EML1: variants seen among roughly 807,000 people sequenced by gnomAD.
The protein encoded by EML1 is EMAP like 1.
EML1 carries 27 observed loss-of-function variants against 110.4 expected under a neutral mutation model. That is an observed-to-expected ratio of 0.24 (90% CI 0.18 to 0.34). The LOEUF (loss-of-function observed/expected upper bound fraction) is 0.34. EML1 is among the 10% of genes least tolerant of loss of function. The pLI is 1.00. For missense variants in EML1, 741 were observed against 1,030.9 expected, an observed-to-expected ratio of 0.72 and a Z score of 3.85; for synonymous variants, 344 against 385.8, an observed-to-expected ratio of 0.89 and a Z score of 1.27.
chr14:99,770,804 A>G (rs572289432), upstream of EML1, among the ~76,000 whole-genome samples: 378 of 14,562 alleles, frequency 0.026, no homozygotes, highest in Middle Eastern at 0.17. Flanking sequence ...TTTTTTTTTG[A>G]GACGGAGTCT....
intron 1 of EML1, among the ~76,000 whole-genome samples, chr14:99,820,441 A>G (rs1314932184): frequency 1.3e-5 from 2 of 152,162 alleles, no homozygotes; most frequent in Non-Finnish European, 2.9e-5. Context: ...TTGCAAAGGG[A>G]GGACTATTGA....
chr14:99,758,356 C>G (rs919646156), intron 1 of EML1, among the ~76,000 whole-genome samples: 2 of 152,110 alleles, frequency 1.3e-5, no homozygotes, highest in Non-Finnish European at 2.9e-5. Context: ...TGGAGTTCTG[C>G]CAACATGAAG....
At chr14:99,907,810 T>G in intron 10 of EML1, 77 bp downstream of exon 10, 2 of 1,384,478 alleles carry the variant, frequency 1.4e-6, no homozygotes, top group Non-Finnish European at 2.0e-6. Context: ...GTAGCCCCCT[T>G]TCAGCGGGCT....
At chr14:99,746,225 G>T (rs1197979158) in intron 1 of EML1, among the ~76,000 whole-genome samples, 1 of 152,212 alleles carries the variant, frequency 6.6e-6, no homozygotes, top group African/African-American at 2.4e-5. Flanking sequence ...ACTGAGACAG[G>T]TGCGCTGTCC....
intron 2 of EML1, among the ~76,000 whole-genome samples, chr14:99,859,009 C>G (rs1420373976): frequency 3.9e-5 from 6 of 152,108 alleles, no homozygotes; most frequent in Non-Finnish European, 7.4e-5. Context: ...TAGATTATAA[C>G]TTAATATCAA....
intron 1 of EML1, among the ~76,000 whole-genome samples, chr14:99,825,774 C>T (rs1344314640): frequency 6.6e-6 from 1 of 152,182 alleles, no homozygotes; most frequent in East Asian, 1.9e-4. Context: ...ACTTAGATGC[C>T]ACAGATTTCT....
intron 15 of EML1, chr14:99,915,412 C>CA (rs11316684): frequency 0.18 from 15,119 of 85,918 alleles, 1,522 homozygotes; most frequent in African/African-American, 0.32. Flanking sequence ...AATTCTGTCT[C>CA]AAAAAAAAAA....
chr14:99,923,640 C>CAATGACACTTTTGTCAAAAA (rs1595488252), intron 17 of EML1, among the ~76,000 whole-genome samples: 6 of 15,184 alleles, frequency 4.0e-4, no homozygotes, highest in African/African-American at 1.2e-3. Context: ...TCAGTTCTGC[C>CAATGACACTTTTGTCAAAAA]CCCTTCACCT....
chr14:99,791,109 C>T (rs973431644), upstream of EML1, among the ~76,000 whole-genome samples: 2 of 152,320 alleles, frequency 1.3e-5, 1 homozygote. Context: ...AATCTGCCCA[C>T]CTCGGCCTCC....
chr14:99,906,111 A>G (rs931305000), intron 9 of EML1, among the ~76,000 whole-genome samples: 4 of 152,050 alleles, frequency 2.6e-5, no homozygotes, highest in Non-Finnish European at 5.9e-5. Context: ...CTCCAGAAAG[A>G]TGTCACTGGA....
intron 17 of EML1, among the ~76,000 whole-genome samples, chr14:99,923,916 A>C (rs1735906271): frequency 6.6e-6 from 1 of 152,158 alleles, no homozygotes; most frequent in African/African-American, 2.4e-5. Context: ...GGCCTCCCAA[A>C]GTGTTGGGAT....
exon 1 of EML1, chr14:99,737,843 G>A (rs1163295439): frequency 1.6e-6 from 2 of 1,289,202 alleles, no homozygotes; most frequent in African/African-American, 3.0e-5. Flanking sequence ...ATGTCGGACG[G>A]CGAGGGCCCC....
intron 1 of EML1, among the ~76,000 whole-genome samples, chr14:99,756,384 AC>A (rs2057255103): frequency 6.6e-6 from 1 of 152,116 alleles, no homozygotes; most frequent in Non-Finnish European, 1.5e-5. Context: ...CAGCAAGGCC[AC>A]TCCGGCCTAT....
At chr14:99,838,664 A>G (rs181567771) in intron 1 of EML1, among the ~76,000 whole-genome samples, 3 of 152,046 alleles carry the variant, frequency 2.0e-5, no homozygotes, top group Admixed American at 6.5e-5. Context: ...AAGCTGTCCC[A>G]GAGCCTGGTG....
intron 4 of EML1, among the ~76,000 whole-genome samples, chr14:99,887,362 G>T (rs922142597): frequency 6.6e-6 from 1 of 152,172 alleles, no homozygotes. Context: ...AGCGCTGAGA[G>T]TTTGTTCACC....
At chr14:99,830,084 T>C (rs559020499) in intron 1 of EML1, among the ~76,000 whole-genome samples, 1 of 152,366 alleles carries the variant, frequency 6.6e-6, no homozygotes, top group African/African-American at 2.4e-5. Flanking sequence ...TTTTCCACAA[T>C]GGCTGTACCA....
intron 9 of EML1, 112 bp from the exon 10 acceptor site, chr14:99,907,526 A>G: frequency 1.1e-6 from 1 of 897,380 alleles, no homozygotes; most frequent in South Asian, 1.7e-5. Context: ...GTATTCTTTA[A>G]CTACAATGTA....
chr14:99,822,631 C>T (rs1159717828), intron 1 of EML1, among the ~76,000 whole-genome samples: 1 of 152,144 alleles, frequency 6.6e-6, no homozygotes, highest in Non-Finnish European at 1.5e-5. Flanking sequence ...CATTTTCTTT[C>T]TTAGCCCCTC....
intron 1 of EML1, among the ~76,000 whole-genome samples, chr14:99,846,092 A>T (rs2058703449): frequency 6.6e-6 from 1 of 151,380 alleles, no homozygotes; most frequent in Admixed American, 6.6e-5. Flanking sequence ...AAGAAAATTG[A>T]CAGAGCCTGA....
Sources: gnomAD v4.1 joint callset for allele counts (sites outside exome capture counted in the v4.1 genomes callset) on GRCh38, gnomAD v4.1.1 for gene constraint, MANE v1.5 for transcripts, NCBI Gene and HGNC (gene_info 2026-07-23, HGNC 2026-07-21) for gene names.